PCDHA3: variants seen among roughly 807,000 people sequenced by gnomAD.
The protein encoded by PCDHA3 is protocadherin alpha 3.
Under a neutral mutation model 62.2 loss-of-function variants are expected in PCDHA3, and 41 were observed. That is an observed-to-expected ratio of 0.66 (90% confidence interval 0.51 to 0.86). The LOEUF (loss-of-function observed/expected upper bound fraction) is 0.86. PCDHA3 is among the 40% of genes least tolerant of loss of function. The probability of loss-of-function intolerance (pLI) is 0.00; values close to 1 mark genes in which losing one functional copy is unlikely to be tolerated. For synonymous variants in PCDHA3, 640 were observed against 555.4 expected, an observed-to-expected ratio of 1.15 and a Z score of -2.14; for missense variants, 1,304 against 1,241.2, an observed-to-expected ratio of 1.05 and a Z score of -0.76.
At chr5:140,886,827 GAAAAAAA>G (rs782016620) in intron 1 of PCDHA3, among the ~76,000 whole-genome samples, 7 of 60,890 alleles carry the variant, frequency 1.1e-4, no homozygotes, top group African/African-American at 4.2e-4. Context: ...ACTTCGTCTT[GAAAAAAA>G]AAAAAAAAAA....
intron 1 of PCDHA3, among the ~76,000 whole-genome samples, chr5:140,940,840 A>T (rs1554213622): frequency 2.0e-5 from 3 of 152,222 alleles, no homozygotes; most frequent in Non-Finnish European, 1.5e-5. Context: ...ACCTTTCTTC[A>T]CGATAGATTT....
At chr5:140,926,938 G>C in intron 1 of PCDHA3, 1 of 1,581,492 alleles carries the variant, frequency 6.3e-7, no homozygotes. Context: ...GGTTTCCTGC[G>C]GCGCTGCAGC....
chr5:140,837,460 G>A (rs2150141340), intron 1 of PCDHA3, among the ~76,000 whole-genome samples: 1 of 151,718 alleles, frequency 6.6e-6, no homozygotes, highest in East Asian at 1.9e-4. Context: ...AAATCTCCTT[G>A]CCTCCTCAAA....
intron 1 of PCDHA3, among the ~76,000 whole-genome samples, chr5:140,977,515 C>T (rs2096764078): frequency 6.6e-6 from 1 of 152,158 alleles, no homozygotes; most frequent in African/African-American, 2.4e-5. Context: ...ATTTTGTGAA[C>T]TTGAAAACAA....
At chr5:140,850,666 C>G in intron 1 of PCDHA3, 1 of 1,598,434 alleles carries the variant, frequency 6.3e-7, no homozygotes, top group Non-Finnish European at 8.6e-7. Flanking sequence ...CTGCGGTGCT[C>G]GGCGATGCCC....
chr5:140,876,651 T>TC, intron 1 of PCDHA3: 1 of 1,614,178 alleles, frequency 6.2e-7, no homozygotes, highest in South Asian at 1.1e-5. Context: ...CACCTCATGT[T>TC]CCCTTCAAGC....
chr5:140,965,990 G>A (rs1292240100), intron 1 of PCDHA3, among the ~76,000 whole-genome samples: 4 of 152,194 alleles, frequency 2.6e-5, no homozygotes, highest in African/African-American at 9.6e-5. Context: ...ACTTTCTGCA[G>A]TACTTAAGAG....
At position 140,803,286 on chromosome 5, in the gene PCDHA3, A is replaced by G; in HGVS notation, c.2089A>G (p.Asn697Asp). Residue 697 changes from asparagine to aspartate, a missense_variant, in exon 1 of 4, where the codon AAC (asparagine) becomes GAC (aspartate). Physicochemically the swap from Asn to Asp is conservative, Grantham distance 23. Coordinates refer to ENST00000522353, the MANE Select transcript of PCDHA3 (RefSeq NM_018906.3). Reference protein sequence around the residue: ...TGPEAALVDVNVYLIVAICAV... With the variant: ...TGPEAALVDVDVYLIVAICAV... ...CCCGGAAGCTGCACTGGTGGATGTC[A>G]ACGTGTACTTGATCGTCGCCATCTG... The G allele has an allele frequency of 6.2e-7, 1 of 1,614,046 alleles. No individual in the cohort carries two copies. The highest frequency in any genetic ancestry group is 8.5e-7 in the Non-Finnish European group (1 of 1,179,982).
intron 1 of PCDHA3, chr5:140,825,308 A>C (rs758999879): frequency 6.7e-6 from 1 of 148,832 alleles, no homozygotes. Flanking sequence ...TGGAACAATG[A>C]TTTAATTTTC....
chr5:140,870,472 C>G (rs782403878), intron 1 of PCDHA3: 4 of 1,614,240 alleles, frequency 2.5e-6, no homozygotes, highest in South Asian at 1.1e-5. Flanking sequence ...GTTCGCACAG[C>G]CCGAGTACAC....
chr5:140,863,348 C>T, intron 1 of PCDHA3: 2 of 1,313,382 alleles, frequency 1.5e-6, no homozygotes, highest in Non-Finnish European at 2.1e-6. Flanking sequence ...CTGCTGTACA[C>T]GACGCTGCGG....
chr5:140,858,202 A>T (rs782325182), intron 1 of PCDHA3: 5 of 1,597,020 alleles, frequency 3.1e-6, no homozygotes. Context: ...TGTACACTGC[A>T]CTGAGGTGCT....
chr5:140,841,805 G>A, intron 1 of PCDHA3: 1 of 1,613,936 alleles, frequency 6.2e-7, no homozygotes, highest in Non-Finnish European at 8.5e-7. Flanking sequence ...CGATGCAGAT[G>A]TTGGAGCTAA....
intron 1 of PCDHA3, chr5:140,966,642 G>A (rs897727830): frequency 8.9e-7 from 1 of 1,117,790 alleles, no homozygotes; most frequent in East Asian, 3.1e-5. Flanking sequence ...GCGCTTTCTA[G>A]AGCGTGAGCG....
chr5:140,822,994 G>A lies in PCDHA3; in HGVS notation c.2394+19403G>A, dbSNP rs2150121119. ...CACCTTCAAGAATTACTACTCGTTG[G>A]TGCTGGACAGCGCCCTGGACCGCGA... On this transcript the variant is annotated intron_variant, in intron 1 of 3. Coordinates refer to ENST00000522353, the MANE Select transcript of PCDHA3 (RefSeq NM_018906.3). 66 of 1,614,244 alleles carry A rather than the reference G, an allele frequency of 4.1e-5. No homozygotes were observed. The highest frequency in any genetic ancestry group is 3.3e-4 in the Admixed American group (20 of 60,034).
chr5:140,926,065 G>A (rs1302106382), intron 1 of PCDHA3, among the ~76,000 whole-genome samples: 3 of 152,176 alleles, frequency 2.0e-5, no homozygotes, highest in Non-Finnish European at 2.9e-5. Context: ...TCCCCTCCTT[G>A]TCGTCTCTAT....
At chr5:140,966,356 C>G (rs1300973653) in intron 1 of PCDHA3, 2 of 400,342 alleles carry the variant, frequency 5.0e-6, no homozygotes, top group Non-Finnish European at 8.8e-6. Flanking sequence ...GGAGATGGGG[C>G]TGGAGAGGCT....
Position 140,871,201 on chromosome 5 carries a change from A to G in PCDHA3, c.2394+67610A>G, listed in dbSNP as rs561860727. ...GCTGGTGGATGTCAACGTGTACCTGATCATCGCCATCTGCGTGGTGTCCAG... is the reference window on the plus strand; with the variant it reads ...GCTGGTGGATGTCAACGTGTACCTGGTCATCGCCATCTGCGTGGTGTCCAG... On this transcript the variant is annotated intron_variant, in intron 1 of 3. Coordinates refer to ENST00000522353, the MANE Select transcript of PCDHA3 (RefSeq NM_018906.3). The G allele has an allele frequency of 3.3e-5, 54 of 1,613,672 alleles. 1 individual carries two copies. The Admixed American group carries it at 7.2e-4, about 21-fold the overall frequency.
chr5:141,006,180 A>C (rs1554260594), intron 3 of PCDHA3, among the ~76,000 whole-genome samples: 5 of 150,546 alleles, frequency 3.3e-5, no homozygotes, highest in Non-Finnish European at 7.4e-5. Context: ...TTTTTAAAAG[A>C]GTTTGCTATA....
Sources: gnomAD v4.1 joint callset for allele counts (sites outside exome capture counted in the v4.1 genomes callset) on GRCh38, gnomAD v4.1.1 for gene constraint, MANE v1.5 for transcripts, NCBI Gene and HGNC (gene_info 2026-07-23, HGNC 2026-07-21) for gene names.